Variants in EIF3E observed in about 807,000 individuals in gnomAD.
EIF3E encodes eIF-3 p48.
In EIF3E, 25 loss-of-function variants were observed where a neutral mutation model predicts 59.3. The ratio of observed to expected loss-of-function variants is 0.42; its 90% CI spans 0.31 to 0.59. The LOEUF (loss-of-function observed/expected upper bound fraction) is 0.59. EIF3E is among the 20% of genes least tolerant of loss of function. The pLI is 0.15. For missense variants in EIF3E, 317 were observed against 534.3 expected (o/e 0.59, Z 4.01); for synonymous variants, 176 against 170.2 (o/e 1.03, Z -0.26).
At chr8:108,232,195 A>G (rs1411207010) in intron 5 of EIF3E, among the ~76,000 whole-genome samples, 1 of 152,172 alleles carries the variant, frequency 6.6e-6, no homozygotes, top group Admixed American at 6.6e-5. Flanking sequence ...AAAGAAAAAG[A>G]TATCTATTCT....
chr8:108,245,399 G>T (rs984005839), intron 1 of EIF3E, among the ~76,000 whole-genome samples: 1 of 152,194 alleles, frequency 6.6e-6, no homozygotes, highest in African/African-American at 2.4e-5. Context: ...AGCCCAGAAA[G>T]TCAGGGCTGT....
At chr8:108,229,019 T>A (rs1815572862) in intron 6 of EIF3E, 51 bp downstream of exon 6, 1 of 1,487,898 alleles carries the variant, frequency 6.7e-7, no homozygotes, top group Admixed American at 2.1e-5. Flanking sequence ...TCAGAAAGTG[T>A]GAAGGATACA....
chr8:108,212,336 T>A (rs1054932329), intron 10 of EIF3E, among the ~76,000 whole-genome samples: 34 of 152,338 alleles, frequency 2.2e-4, no homozygotes, highest in African/African-American at 8.2e-4. Flanking sequence ...TCTTGAAATG[T>A]GAGCCATCTA....
intron 10 of EIF3E, among the ~76,000 whole-genome samples, chr8:108,212,139 CTG>C (rs368650106): frequency 5.3e-5 from 8 of 152,164 alleles, no homozygotes; most frequent in African/African-American, 1.9e-4. Context: ...TTTTGTAAAA[CTG>C]TGTTCCAAAG....
In EIF3E at chr8:108,235,035, G is replaced by C; in HGVS notation, c.434C>G (p.Ser145Ter). ...AKFQYECGNY[S>*]GAAEYLYFFR... is the part of the protein sequence containing the mutation. Reference sequence around the variant, plus strand: ...AAAATAAAGATATTCTGCTGCTCCTGAGTAATTCCCACATTCGTACTGGAA... The same window carrying C: ...AAAATAAAGATATTCTGCTGCTCCTCAGTAATTCCCACATTCGTACTGGAA... Residue 145 changes from serine (S) to a stop codon, truncating the protein, a stop_gained, in exon 5 of 13, where the codon TCA (serine) becomes TGA (stop). Transcript: ENST00000220849. LOFTEE classifies it high-confidence loss of function. 6.2e-7 allele frequency: 1 copy of C among 1,601,550 alleles called. No individual in the cohort carries two copies. Among genetic ancestry groups the C allele is most frequent in the Non-Finnish European group, 8.5e-7 (1 of 1,175,392 alleles).
chr8:108,211,446 T>C (rs1483620703), intron 10 of EIF3E, among the ~76,000 whole-genome samples: 1 of 152,182 alleles, frequency 6.6e-6, no homozygotes, highest in Non-Finnish European at 1.5e-5. Flanking sequence ...ATGGGGTTGT[T>C]TTTTTCTTGT....
intron 5 of EIF3E, chr8:108,233,615 G>C: frequency 2.7e-6 from 1 of 374,558 alleles, no homozygotes; most frequent in Non-Finnish European, 5.5e-6. Flanking sequence ...GCTGAGGAGG[G>C]AGGATCACTT....
chr8:108,203,855 T>TA (rs769928742), intron 10 of EIF3E, among the ~76,000 whole-genome samples: 20 of 152,084 alleles, frequency 1.3e-4, no homozygotes, highest in Non-Finnish European at 2.4e-4. Flanking sequence ...TCCCTCTATA[T>TA]AAGTCAGCCC....
chr8:108,207,561 G>A (rs1815127247), intron 10 of EIF3E, among the ~76,000 whole-genome samples: 1 of 152,094 alleles, frequency 6.6e-6, no homozygotes, highest in African/African-American at 2.4e-5. Context: ...GAATTTCTGA[G>A]AAAAATATCT....
At chr8:108,236,102 C>T in intron 4 of EIF3E, 59 bp downstream of exon 4, 4 of 1,440,290 alleles carry the variant, frequency 2.8e-6, no homozygotes, top group Non-Finnish European at 2.9e-6. Flanking sequence ...CTGTACAAAC[C>T]AGTCTTTAGT....
chr8:108,233,113 A>T (rs1815654607), intron 5 of EIF3E, among the ~76,000 whole-genome samples: 1 of 152,222 alleles, frequency 6.6e-6, no homozygotes. Flanking sequence ...AGTTACTACA[A>T]GTTTAGCATC....
intron 10 of EIF3E, among the ~76,000 whole-genome samples, chr8:108,206,322 T>G (rs1269150645): frequency 6.6e-6 from 1 of 150,452 alleles, no homozygotes; most frequent in Non-Finnish European, 1.5e-5. Context: ...GAGACCCCCA[T>G]GTCAAAAAAA....
intron 7 of EIF3E, chr8:108,221,699 T>C (rs1457898924): frequency 5.3e-5 from 8 of 152,152 alleles, no homozygotes; most frequent in Admixed American, 4.6e-4. Context: ...CTTGGATTTG[T>C]AGTAAACTGA....
Position 108,228,362 on chromosome 8 carries a change from C to T in EIF3E, c.627G>A (p.Gln209=). ...ACCAGTGAATGAGCCATGTTCTCTG[C>T]TGAAGAGACTGAAGTGGAGAACTCA... The part of the protein sequence containing the change: ...NSVSSPLQSL[Q]QRTWLIHWSL... Residue 209 remains glutamine (Q), a synonymous_variant, in exon 7 of 13, where the codon CAG becomes CAA. Transcript: ENST00000220849. 1 of 1,581,144 alleles carries T rather than the reference C, an allele frequency of 6.3e-7. No individual in the cohort carries two copies. The highest frequency in any genetic ancestry group is 8.6e-7 in the Non-Finnish European group (1 of 1,163,664).
intron 5 of EIF3E, among the ~76,000 whole-genome samples, chr8:108,231,543 A>T (rs1815620283): frequency 6.6e-6 from 1 of 152,028 alleles, no homozygotes; most frequent in African/African-American, 2.4e-5. Flanking sequence ...AGGGAAAGAG[A>T]CAGCTCCAAA....
intron 10 of EIF3E, among the ~76,000 whole-genome samples, chr8:108,214,338 T>C (rs571822185): frequency 6.6e-6 from 1 of 152,244 alleles, no homozygotes; most frequent in Admixed American, 6.5e-5. Context: ...GGTACAAGAG[T>C]ATTTACTCTT....
At chr8:108,225,601 A>G (rs1815502403) in intron 7 of EIF3E, among the ~76,000 whole-genome samples, 2 of 151,574 alleles carry the variant, frequency 1.3e-5, no homozygotes, top group Admixed American at 6.5e-5. Context: ...ACCTTTTAAA[A>G]ACTATTTCTT....
At position 108,201,810 on chromosome 8, in the gene EIF3E, T is replaced by C; in HGVS notation, c.*75A>G. Reference sequence around the variant, plus strand: ...TAATATGTTGTTTCCAAAATGTAAGTCACCCTTTATATAATAGTTTTATTA... The same window carrying C: ...TAATATGTTGTTTCCAAAATGTAAGCCACCCTTTATATAATAGTTTTATTA... On this transcript the variant is annotated 3_prime_UTR_variant, in exon 13 of 13. Transcript: ENST00000220849. The C allele has an allele frequency of 8.3e-7, 1 of 1,209,036 alleles. No homozygotes were observed. 74.9% of individuals were successfully genotyped at this position (1,209,036 alleles called of 1,614,324 possible). A position where few individuals can be genotyped will look rare whatever the true frequency, so the allele number is the denominator to read the frequency against.
intron 9 of EIF3E, among the ~76,000 whole-genome samples, 170 bp from the exon 10 acceptor site, chr8:108,214,886 C>T (rs942853887): frequency 2.0e-5 from 3 of 152,112 alleles, no homozygotes; most frequent in Admixed American, 6.5e-5. Flanking sequence ...AAGTAGTAAA[C>T]GAATACCACA....
Sources: gnomAD v4.1 joint callset for allele counts (sites outside exome capture counted in the v4.1 genomes callset) on GRCh38, gnomAD v4.1.1 for gene constraint, MANE v1.5 for transcripts, NCBI Gene and HGNC (gene_info 2026-07-23, HGNC 2026-07-21) for gene names.